Variants in RBFOX1 observed in about 807,000 individuals in gnomAD.
RBFOX1 encodes RNA binding protein fox-1 homolog 1.
In RBFOX1, 8 loss-of-function variants were observed where a neutral mutation model predicts 57.7. The ratio of observed to expected loss-of-function variants is 0.14; its 90% CI spans 0.08 to 0.25. The LOEUF (loss-of-function observed/expected upper bound fraction) is 0.25, where lower values mean the gene tolerates loss of function less well. RBFOX1 is among the 10% of genes least tolerant of loss of function. RBFOX1 has a pLI of 1.00. For missense variants in RBFOX1, 611 were observed against 548.5 expected, an observed-to-expected ratio of 1.11 and a Z score of -1.14; for synonymous variants, 326 against 222.4, an observed-to-expected ratio of 1.47 and a Z score of -4.15.
chr16:6,296,128 T>G (rs549608708), intron 1 of RBFOX1, among the ~76,000 whole-genome samples: 1 of 152,284 alleles, frequency 6.6e-6, no homozygotes, highest in African/African-American at 2.4e-5. Context: ...GCTACATGCC[T>G]TGGGCACGGT....
intron 3 of RBFOX1, among the ~76,000 whole-genome samples, chr16:6,836,767 T>A (rs1024037328): frequency 1.3e-5 from 2 of 152,216 alleles, no homozygotes; most frequent in African/African-American, 4.8e-5. Context: ...ACCAGTTCAT[T>A]ACAGAAATTT....
At chr16:6,901,816 A>G (rs993378417) in intron 3 of RBFOX1, among the ~76,000 whole-genome samples, 4 of 152,198 alleles carry the variant, frequency 2.6e-5, no homozygotes, top group African/African-American at 9.7e-5. Flanking sequence ...CTTCACTGTT[A>G]TATTTACTGT....
Position 5,982,684 on chromosome 16 carries a change from C to T in RBFOX1, c.351+115349C>T, listed in dbSNP as rs115783668. On this transcript the variant is annotated intron_variant, in intron 4 of 19. Transcript: ENST00000641259. Reference sequence around the variant, plus strand: ...TGAAATCTCATCTCACCACTGAGGACGTTCCTGACCATCTTGACTAATAAG... The same window carrying T: ...TGAAATCTCATCTCACCACTGAGGATGTTCCTGACCATCTTGACTAATAAG... Among the ~76,000 whole-genome samples the T allele has an allele frequency of 6.4e-3, 970 of 152,274 alleles. 11 individuals carry two copies. The highest frequency in any genetic ancestry group is 0.021 in the African/African-American group (890 of 41,546).
At chr16:7,204,857 C>G (rs906325278) in intron 4 of RBFOX1, among the ~76,000 whole-genome samples, 3 of 152,170 alleles carry the variant, frequency 2.0e-5, no homozygotes, top group Admixed American at 2.0e-4. Flanking sequence ...ATTCGCCATT[C>G]TACTCCTTGG....
intron 2 of RBFOX1, among the ~76,000 whole-genome samples, chr16:6,376,819 C>G (rs369271018): frequency 2.0e-5 from 3 of 152,048 alleles, no homozygotes; most frequent in African/African-American, 7.2e-5. Flanking sequence ...TTCAAAGGAC[C>G]CAGGGAAGAA....
intron 4 of RBFOX1, among the ~76,000 whole-genome samples, chr16:7,205,121 T>A (rs994047831): frequency 2.0e-5 from 3 of 152,118 alleles, no homozygotes; most frequent in Admixed American, 6.6e-5. Context: ...TCCTCCCACC[T>A]CCCTTCACTG....
intron 3 of RBFOX1, among the ~76,000 whole-genome samples, chr16:6,937,359 C>G (rs911675758): frequency 6.6e-6 from 1 of 152,070 alleles, no homozygotes; most frequent in Non-Finnish European, 1.5e-5. Flanking sequence ...GAAGTAGATA[C>G]TTTTCTTTGT....
rs541675087 is a variant in RBFOX1 at position 6,803,392 on chromosome 16, G to A, written c.-16+148742G>A. Among the ~76,000 whole-genome samples, 4 of 152,252 alleles carry A rather than the reference G, an allele frequency of 2.6e-5. No individual in the cohort carries two copies. In the East Asian group the frequency reaches 7.7e-4, roughly 29 times the overall value. On this transcript the variant is annotated intron_variant, in intron 3 of 15. Coordinates refer to ENST00000550418, the MANE Select transcript of RBFOX1 (RefSeq NM_018723.4). ...AAGAACAATCTGCAGGCACAATCTG[G>A]AAACCTTTCCCAGTGAAGGGAGAAA... is the stretch of plus-strand genomic sequence containing the variant.
intron 2 of RBFOX1, among the ~76,000 whole-genome samples, chr16:5,544,730 A>G (rs76629637): frequency 0.051 from 7,708 of 152,240 alleles, 208 homozygotes; most frequent in East Asian, 0.1. Context: ...AGGCATAACT[A>G]TATCTTAAAG....
intron 4 of RBFOX1, among the ~76,000 whole-genome samples, chr16:7,301,042 G>T (rs1357060952): frequency 1.3e-5 from 1 of 75,248 alleles, no homozygotes; most frequent in Non-Finnish European, 3.5e-5. Context: ...TCATGCCAGA[G>T]CTAGTGGCCT....
At chr16:6,084,597 A>T (rs2096058875) in intron 1 of RBFOX1, among the ~76,000 whole-genome samples, 3 of 151,866 alleles carry the variant, frequency 2.0e-5, no homozygotes, top group South Asian at 2.1e-4. Context: ...AGGACCCTTT[A>T]TAACGGTTTG....
downstream of RBFOX1, chr16:5,601,637 C>A (rs1359566166): frequency 6.6e-6 from 1 of 152,130 alleles, no homozygotes; most frequent in Admixed American, 6.5e-5. Flanking sequence ...GCAGTTCCAC[C>A]CAGGATGCTT....
chr16:7,200,614 C>G (rs1157364104), intron 4 of RBFOX1, among the ~76,000 whole-genome samples: 2 of 152,114 alleles, frequency 1.3e-5, no homozygotes, highest in Admixed American at 1.3e-4. Flanking sequence ...ACCCAGTATC[C>G]CTTTATGCCT....
intron 1 of RBFOX1, among the ~76,000 whole-genome samples, chr16:6,061,072 C>T (rs1424118): frequency 1.5e-3 from 228 of 151,788 alleles, no homozygotes; most frequent in African/African-American, 5.3e-3. Context: ...TTCATTTACA[C>T]TTACTGACAA....
Position 6,472,506 on chromosome 16 carries a change from T to A in RBFOX1, c.-64+155449T>A, listed in dbSNP as rs73524609. Among the ~76,000 whole-genome samples, 838 of 152,246 alleles carry A rather than the reference T, an allele frequency of 5.5e-3. 12 individuals carry two copies. Among genetic ancestry groups the A allele is most frequent in the African/African-American group, 0.019 (804 of 41,562 alleles). The stretch of plus-strand genomic sequence containing the variant: ...GCATCCTGTTGTTTCCTTTGGGAGG[T>A]GACATACTGCTGACATCTGTGGAGT... On this transcript the variant is annotated intron_variant, in intron 2 of 15. Coordinates refer to ENST00000550418, the MANE Select transcript of RBFOX1 (RefSeq NM_018723.4).
intron 3 of RBFOX1, among the ~76,000 whole-genome samples, chr16:5,679,994 G>A (rs1261094564): frequency 6.6e-6 from 1 of 152,200 alleles, no homozygotes; most frequent in Non-Finnish European, 1.5e-5. Flanking sequence ...GAGGAACAAA[G>A]GAATATCTCC....
intron 3 of RBFOX1, among the ~76,000 whole-genome samples, chr16:5,854,128 C>T (rs1018966481): frequency 6.6e-6 from 1 of 152,138 alleles, no homozygotes; most frequent in Admixed American, 6.6e-5. Context: ...AAACGCTTAC[C>T]ACAATCAAGC....
intron 1 of RBFOX1, among the ~76,000 whole-genome samples, chr16:5,315,895 C>G (rs1311247666): frequency 1.3e-5 from 2 of 152,238 alleles, no homozygotes; most frequent in Non-Finnish European, 2.9e-5. Flanking sequence ...ACTCATCATA[C>G]ATTCTCATAG....
At chr16:6,451,648 G>A (rs1274154925) in intron 2 of RBFOX1, among the ~76,000 whole-genome samples, 2 of 152,152 alleles carry the variant, frequency 1.3e-5, no homozygotes, top group Non-Finnish European at 2.9e-5. Flanking sequence ...TCAGCTCTGG[G>A]CTATCACCAG....
Sources: gnomAD v4.1 joint callset for allele counts (sites outside exome capture counted in the v4.1 genomes callset) on GRCh38, gnomAD v4.1.1 for gene constraint, MANE v1.5 for transcripts, NCBI Gene and HGNC (gene_info 2026-07-23, HGNC 2026-07-21) for gene names.